Variants in PLA2G4C observed in about 807,000 individuals in gnomAD.
The protein encoded by PLA2G4C is phospholipase A2 group IVC.
Under a neutral mutation model 73.8 loss-of-function variants are expected in PLA2G4C, and 64 were observed. The observed-to-expected ratio is 0.87, with a 90% CI of 0.71 to 1.07. PLA2G4C has a LOEUF of 1.07. Ranked by LOEUF, PLA2G4C falls within the 50% of genes least tolerant of loss-of-function variation. The pLI is 0.00. For synonymous variants in PLA2G4C, 254 were observed against 252.1 expected (o/e 1.01, Z -0.07); for missense variants, 622 against 665.4 (o/e 0.93, Z 0.72).
chr19:48,080,266 G>A (rs1334912279), intron 10 of PLA2G4C, among the ~76,000 whole-genome samples: 1 of 151,934 alleles, frequency 6.6e-6, no homozygotes, highest in Non-Finnish European at 1.5e-5. Flanking sequence ...GCAAATGAAA[G>A]CCACAATGAG....
At chr19:48,055,416 T>TATATATA (rs1178938999) in intron 14 of PLA2G4C, among the ~76,000 whole-genome samples, 8 of 149,526 alleles carry the variant, frequency 5.4e-5, no homozygotes, top group African/African-American at 1.8e-4. Context: ...TATATTTCAA[T>TATATATA]TAGCCAGGCA....
chr19:48,068,219 C>G (rs926205222), intron 12 of PLA2G4C, among the ~76,000 whole-genome samples: 2 of 148,856 alleles, frequency 1.3e-5, no homozygotes, highest in Admixed American at 1.4e-4. Flanking sequence ...GCAGGAGAAT[C>G]GCTTGAACCT....
At chr19:48,090,920 A>G (rs36113887) in intron 7 of PLA2G4C, among the ~76,000 whole-genome samples, 14,120 of 151,936 alleles carry the variant, frequency 0.093, 1,395 homozygotes, top group African/African-American at 0.25. Context: ...CAGGAAGATC[A>G]CTTGAGGCCA....
chr19:48,100,677 A>C (rs2031857617), intron 4 of PLA2G4C, among the ~76,000 whole-genome samples: 2 of 148,000 alleles, frequency 1.4e-5, no homozygotes, highest in African/African-American at 5.0e-5. Context: ...TGGGAGGCCA[A>C]GGTGTGCGGA....
intron 4 of PLA2G4C, among the ~76,000 whole-genome samples, chr19:48,100,402 G>T (rs147160551): frequency 0.013 from 1,927 of 150,742 alleles, 45 homozygotes; most frequent in African/African-American, 0.044. Context: ...GTGGTGGTGG[G>T]TACCTCTAGT....
At chr19:48,050,207 A>G (rs1967671551) in intron 16 of PLA2G4C, among the ~76,000 whole-genome samples, 1 of 152,152 alleles carries the variant, frequency 6.6e-6, no homozygotes, top group Admixed American at 6.6e-5. Flanking sequence ...GGTGTGAACC[A>G]CCATGCCCGG....
chr19:48,110,287 C>G (rs251696), intron 1 of PLA2G4C, among the ~76,000 whole-genome samples, 200 bp downstream of exon 1: 1 of 151,194 alleles, frequency 6.6e-6, no homozygotes, highest in Non-Finnish European at 1.5e-5. Context: ...CGGAGCTTGC[C>G]GTGAGCCGAG....
At chr19:48,078,453 T>C (rs1167725177) in intron 10 of PLA2G4C, among the ~76,000 whole-genome samples, 1 of 152,130 alleles carries the variant, frequency 6.6e-6, no homozygotes, top group African/African-American at 2.4e-5. Context: ...GATATGATTG[T>C]ACACCTAGAA....
At chr19:48,067,954 T>C in intron 12 of PLA2G4C, 68 bp from the exon 13 acceptor site, 2 of 1,093,150 alleles carry the variant, frequency 1.8e-6, no homozygotes, top group Non-Finnish European at 2.8e-6. Flanking sequence ...CCCACCAAAG[T>C]CATATGTGGA....
intron 6 of PLA2G4C, among the ~76,000 whole-genome samples, chr19:48,096,532 G>A (rs1216682056): frequency 6.6e-6 from 1 of 152,082 alleles, no homozygotes; most frequent in Non-Finnish European, 1.5e-5. Context: ...GCAGTGAGCC[G>A]AGATCGTGCC....
At chr19:48,077,644 C>T (rs1011528328) in intron 11 of PLA2G4C, 127 bp downstream of exon 11, 15 of 670,866 alleles carry the variant, frequency 2.2e-5, no homozygotes, top group African/African-American at 7.5e-5. Context: ...AGAGTCCATG[C>T]TCCTCTCCAT....
intron 10 of PLA2G4C, among the ~76,000 whole-genome samples, chr19:48,080,104 C>T (rs573532331): frequency 1.4e-5 from 2 of 146,822 alleles, no homozygotes; most frequent in Non-Finnish European, 3.0e-5. Flanking sequence ...TTATACAGAA[C>T]CTATAAGGAA....
chr19:48,101,953 G>A (rs956485689), intron 4 of PLA2G4C, among the ~76,000 whole-genome samples: 8 of 151,896 alleles, frequency 5.3e-5, no homozygotes, highest in African/African-American at 1.9e-4. Context: ...GGGATTACAG[G>A]TGTGAGCCAC....
intron 10 of PLA2G4C, among the ~76,000 whole-genome samples, chr19:48,080,911 C>G (rs2030511657): frequency 1.3e-5 from 2 of 149,792 alleles, no homozygotes. Flanking sequence ...GTAATCCCAG[C>G]ACTTTGGGAG....
At chr19:48,069,670 G>A (rs1322109749) in intron 12 of PLA2G4C, among the ~76,000 whole-genome samples, 2 of 152,334 alleles carry the variant, frequency 1.3e-5, no homozygotes, top group South Asian at 2.1e-4. Context: ...AGTGGCAAGA[G>A]AGCAAAGCTA....
At chr19:48,092,823 G>A (rs1454228391) in intron 7 of PLA2G4C, among the ~76,000 whole-genome samples, 1 of 152,164 alleles carries the variant, frequency 6.6e-6, no homozygotes, top group Non-Finnish European at 1.5e-5. Context: ...AAGTGTTATG[G>A]AGATGGATGG....
At chr19:48,056,154 A>C (rs1457390036) in intron 14 of PLA2G4C, among the ~76,000 whole-genome samples, 2 of 152,128 alleles carry the variant, frequency 1.3e-5, no homozygotes, top group Non-Finnish European at 2.9e-5. Flanking sequence ...TGTAGCACTG[A>C]GGTTACTAAA....
At position 48,091,883 on chromosome 19, in the gene PLA2G4C, C is replaced by CAAA. The variant is rs35118449; in HGVS notation, c.710-1469_710-1467dup. On this transcript the variant is annotated intron_variant, in intron 7 of 16. Transcript: ENST00000599921. ...TGGGAGACAGAGTGAGACTCCATCTCAAAAAAAAAAAAAAAAAAAAAAAAA... is the reference window on the plus strand; with the variant it reads ...TGGGAGACAGAGTGAGACTCCATCTCAAAAAAAAAAAAAAAAAAAAAAAAAAAA... Among the ~76,000 whole-genome samples, 8 of 21,102 alleles carry CAAA rather than the reference C, an allele frequency of 3.8e-4. 1 individual carries two copies. The highest frequency in any genetic ancestry group is 1.7e-3 in the African/African-American group (8 of 4,832). 13.8% of individuals were successfully genotyped at this position (21,102 alleles called of 152,430 possible).
At chr19:48,068,582 T>C (rs1020774749) in intron 12 of PLA2G4C, among the ~76,000 whole-genome samples, 2 of 151,382 alleles carry the variant, frequency 1.3e-5, no homozygotes, top group Non-Finnish European at 2.9e-5. Context: ...GTCCCAGCTA[T>C]TCAGAAGGCT....
Sources: gnomAD v4.1 joint callset for allele counts (sites outside exome capture counted in the v4.1 genomes callset) on GRCh38, gnomAD v4.1.1 for gene constraint, MANE v1.5 for transcripts, NCBI Gene and HGNC (gene_info 2026-07-23, HGNC 2026-07-21) for gene names.